Variants in MYLK observed in about 807,000 individuals in gnomAD.
MYLK encodes the protein myosin light chain kinase, smooth muscle.
A neutral mutation model predicts 203.4 loss-of-function variants in MYLK; 106 were observed. The ratio of observed to expected loss-of-function variants is 0.52; its 90% confidence interval spans 0.45 to 0.61. The LOEUF is 0.61. MYLK is among the 20% of genes least tolerant of loss of function. The probability of loss-of-function intolerance (pLI) is 0.00; values close to 1 mark genes in which losing one functional copy is unlikely to be tolerated. For missense variants in MYLK, 2,072 were observed against 2,442.3 expected (o/e 0.85, Z 3.20); for synonymous variants, 867 against 959.5 (o/e 0.90, Z 1.78).
At chr3:123,860,109 G>A (rs185142615) in intron 2 of MYLK, among the ~76,000 whole-genome samples, 54 of 152,292 alleles carry the variant, frequency 3.5e-4, no homozygotes, top group African/African-American at 1.3e-3. Context: ...AGGTTATTTT[G>A]AAGGACATCA....
At chr3:123,762,605 T>G (rs772285027) in intron 4 of MYLK, among the ~76,000 whole-genome samples, 1 of 152,202 alleles carries the variant, frequency 6.6e-6, no homozygotes, top group African/African-American at 2.4e-5. Context: ...AAAGTTCATG[T>G]TGAAACTTAA....
intron 7 of MYLK, 53 bp downstream of exon 7, chr3:123,738,844 T>C: frequency 6.4e-7 from 1 of 1,572,612 alleles, no homozygotes; most frequent in Non-Finnish European, 8.6e-7. Context: ...ATTAGCAGCA[T>C]GAGAACAGAC....
chr3:123,694,580 T>TA (rs1232708090), intron 18 of MYLK, among the ~76,000 whole-genome samples: 1 of 152,214 alleles, frequency 6.6e-6, no homozygotes. Context: ...TGGGAACAGA[T>TA]ATCCCACCCC....
chr3:123,760,948 G>A (rs2063515440), intron 4 of MYLK, among the ~76,000 whole-genome samples: 1 of 152,146 alleles, frequency 6.6e-6, no homozygotes, highest in African/African-American at 2.4e-5. Flanking sequence ...TTTGAGCCTT[G>A]GAGACAGAGA....
At chr3:123,811,339 A>G (rs974651487) in intron 3 of MYLK, among the ~76,000 whole-genome samples, 1 of 152,204 alleles carries the variant, frequency 6.6e-6, no homozygotes, top group African/African-American at 2.4e-5. Context: ...ACCATCAGCT[A>G]TTAGCTGCAC....
At position 123,826,013 on chromosome 3, in the gene MYLK, C is replaced by T. The variant is rs987749962; in HGVS notation, c.-4+5535G>A. Among the ~76,000 whole-genome samples, 11 of 152,318 alleles carry T rather than the reference C, an allele frequency of 7.2e-5. No individual in the cohort carries two copies. In the East Asian group the frequency reaches 2.1e-3, roughly 29 times the overall value. Reference sequence around the variant, plus strand: ...TGAGAAACAGCTCCATAATAGCATCCCCCCTTTGCAGGCATGTCCCTGGCC... The same window carrying T: ...TGAGAAACAGCTCCATAATAGCATCTCCCCTTTGCAGGCATGTCCCTGGCC... On this transcript the variant is annotated intron_variant, in intron 3 of 33. Transcript: ENST00000360304.
chr3:123,746,041 A>G (rs2063005223), intron 5 of MYLK, among the ~76,000 whole-genome samples: 1 of 152,074 alleles, frequency 6.6e-6, no homozygotes, highest in African/African-American at 2.4e-5. Context: ...TGTTTTTAGT[A>G]GAGACGGGTT....
intron 2 of MYLK, among the ~76,000 whole-genome samples, chr3:123,859,419 C>T (rs1274172873): frequency 6.6e-6 from 1 of 152,244 alleles, no homozygotes; most frequent in African/African-American, 2.4e-5. Flanking sequence ...ATCCTAATCA[C>T]ACCTCCAACA....
intron 24 of MYLK, among the ~76,000 whole-genome samples, chr3:123,656,448 C>T (rs544587305): frequency 3.9e-5 from 6 of 152,334 alleles, no homozygotes; most frequent in Admixed American, 1.3e-4. Flanking sequence ...GCCTTGGCCA[C>T]ACACGAGCAT....
chr3:123,840,354 A>G (rs2066560714), intron 2 of MYLK, among the ~76,000 whole-genome samples: 1 of 126,604 alleles, frequency 7.9e-6, no homozygotes, highest in Admixed American at 8.8e-5. Flanking sequence ...GAACATCACT[A>G]CAAATCCTAC....
chr3:123,663,379 A>G (rs1259343107), intron 23 of MYLK, among the ~76,000 whole-genome samples: 1 of 151,990 alleles, frequency 6.6e-6, no homozygotes, highest in African/African-American at 2.4e-5. Context: ...TCAGAAGAAC[A>G]GTCCCTGCAG....
At chr3:123,733,549 TA>T in intron 10 of MYLK, 137 bp downstream of exon 10, 1 of 1,029,354 alleles carries the variant, frequency 9.7e-7, no homozygotes, top group Non-Finnish European at 1.5e-6. Flanking sequence ...AAGGCCCTTG[TA>T]AGGTGGTTTT....
At chr3:123,725,252 C>A (rs1012115371) in intron 12 of MYLK, among the ~76,000 whole-genome samples, 2 of 152,164 alleles carry the variant, frequency 1.3e-5, no homozygotes, top group Admixed American at 6.5e-5. Flanking sequence ...CCTGGGGATC[C>A]CCACAGTAGT....
intron 4 of MYLK, among the ~76,000 whole-genome samples, chr3:123,780,133 G>C (rs1018339365): frequency 6.6e-6 from 1 of 152,128 alleles, no homozygotes; most frequent in African/African-American, 2.4e-5. Flanking sequence ...CCAAAATCTT[G>C]TTTAAAATTT....
chr3:123,758,052 CA>C (rs113861838), intron 4 of MYLK, among the ~76,000 whole-genome samples: 6,063 of 129,042 alleles, frequency 0.047, 314 homozygotes, highest in African/African-American at 0.14. Flanking sequence ...CGTGGTTGCA[CA>C]AAAAAAAAAA....
intron 8 of MYLK, 137 bp downstream of exon 8, chr3:123,737,241 C>A: frequency 2.1e-6 from 2 of 972,448 alleles, no homozygotes; most frequent in Middle Eastern, 2.7e-4. Context: ...AAAAAAAGAC[C>A]TGCCCCTGGG....
chr3:123,682,225 C>T lies in MYLK; in HGVS notation c.3651G>A (p.Glu1217=). Residue 1217 remains glutamate, a splice_region_variant and synonymous_variant, in exon 20 of 34, where the codon GAG becomes GAA. Transcript: ENST00000360304. ...TGGTGAAGCTGGGCGAGTACTCACT[C>T]TCAGTTCCTAGCACGGGAGGAAGAG... ...KSSLPPVLGT[E]SDATVKKKPA... is the part of the protein sequence containing the mutation. The T allele has an allele frequency of 3.8e-6, 6 of 1,597,772 alleles. No homozygotes were observed. Among genetic ancestry groups the T allele is most frequent in the Non-Finnish European group, 3.4e-6 (4 of 1,172,090 alleles).
At position 123,831,571 on chromosome 3, in the gene MYLK, G is replaced by T; in HGVS notation, c.-27C>A. The T allele has an allele frequency of 4.6e-6, 2 of 439,096 alleles. No individual in the cohort carries two copies. The highest frequency in any genetic ancestry group is 3.4e-5 in the South Asian group (1 of 29,612). The allele number at this position is 439,096 out of a possible 1,614,324, so 27.2% of individuals were successfully genotyped here. A position where few individuals can be genotyped will look rare whatever the true frequency, so the allele number is the denominator to read the frequency against. On this transcript the variant is annotated 5_prime_UTR_variant, in exon 3 of 34. Transcript: ENST00000360304. ...ACCACCGTCTTCTCTGTTGTTTGTT[G>T]TGGCAACTGGGCCAGTGGGACAGGA... is the stretch of plus-strand genomic sequence containing the variant.
In MYLK at chr3:123,775,138, C is replaced by A. The variant is rs113493130; in HGVS notation, c.165+18539G>T. 5.2e-3 allele frequency among the ~76,000 whole-genome samples: 785 copies of A among 152,222 alleles called. 11 individuals are homozygous for A. The highest frequency in any genetic ancestry group is 0.018 in the African/African-American group (751 of 41,538). On this transcript the variant is annotated intron_variant, in intron 4 of 33. Transcript: ENST00000360304. ...TCCCGGGCTCAAGTGATCCTCCCACCTTAGCCTCTCAGTAGCTGGGACTAC... is the reference window on the plus strand; with the variant it reads ...TCCCGGGCTCAAGTGATCCTCCCACATTAGCCTCTCAGTAGCTGGGACTAC...
Sources: gnomAD v4.1 joint callset for allele counts (sites outside exome capture counted in the v4.1 genomes callset) on GRCh38, gnomAD v4.1.1 for gene constraint, MANE v1.5 for transcripts, NCBI Gene and HGNC (gene_info 2026-07-23, HGNC 2026-07-21) for gene names.